Variants in PPM1L observed in about 807,000 individuals in gnomAD.
PPM1L encodes protein phosphatase, Mg2+/Mn2+ dependent 1L, also known as protein phosphatase 1L.
PPM1L carries 13 observed loss-of-function variants against 31.4 expected under a neutral mutation model. The observed-to-expected ratio is 0.41, with a 90% CI of 0.27 to 0.66. PPM1L has a LOEUF of 0.66. PPM1L is among the 30% of genes least tolerant of loss of function. The pLI, the probability that PPM1L is intolerant of heterozygous loss-of-function variation, is 0.29. For missense variants in PPM1L, 326 were observed against 453.7 expected, an observed-to-expected ratio of 0.72 and a Z score of 2.56; for synonymous variants, 184 against 175.4, an observed-to-expected ratio of 1.05 and a Z score of -0.39.
chr3:160,896,541 A>C (rs1431531803), intron 1 of PPM1L, among the ~76,000 whole-genome samples: 1 of 152,210 alleles, frequency 6.6e-6, no homozygotes, highest in African/African-American at 2.4e-5. Flanking sequence ...GTGTTGCCTT[A>C]AAGACTGAAG....
chr3:161,069,049 C>G lies in PPM1L; in HGVS notation c.975C>G (p.His325Gln). The G allele has an allele frequency of 6.2e-7, 1 of 1,614,164 alleles. No homozygotes were observed. Among genetic ancestry groups the G allele is most frequent in the Non-Finnish European group, 8.5e-7 (1 of 1,180,018 alleles). The part of the protein sequence containing the change: ...RFIKERLDEP[H>Q]FGAKSIVLQS... The stretch of plus-strand genomic sequence containing the variant: ...TCAAGGAGCGCTTGGATGAACCTCA[C>G]TTTGGGGCCAAGAGCATAGTTTTAC... Residue 325 changes from histidine (H) to glutamine (Q), a missense_variant, in exon 4 of 4, where the codon CAC (histidine) becomes CAG (glutamine). By Grantham distance (24) the His-to-Gln change is conservative. Transcript: ENST00000498165.
At chr3:161,049,077 TAAAA>T in intron 2 of PPM1L, among the ~76,000 whole-genome samples, 1 of 141,048 alleles carries the variant, frequency 7.1e-6, no homozygotes, top group Non-Finnish European at 1.6e-5. Context: ...CTTAAAGTAT[TAAAA>T]AAAAAAAAAA....
At chr3:160,959,781 C>A (rs141478288) in intron 1 of PPM1L, among the ~76,000 whole-genome samples, 3,776 of 151,958 alleles carry the variant, frequency 0.025, 79 homozygotes, top group Middle Eastern at 0.088. Context: ...TGCAGTGAGC[C>A]GAGATCATGC....
intron 1 of PPM1L, among the ~76,000 whole-genome samples, chr3:160,904,392 A>G (rs1393445127): frequency 6.6e-6 from 1 of 152,198 alleles, no homozygotes; most frequent in Non-Finnish European, 1.5e-5. Flanking sequence ...GCATTGAAAA[A>G]GACTGGAAGA....
At chr3:160,790,226 T>G (rs1325764214) in intron 1 of PPM1L, among the ~76,000 whole-genome samples, 8 of 152,266 alleles carry the variant, frequency 5.3e-5, no homozygotes, top group Admixed American at 5.2e-4. Context: ...TAACTAATTT[T>G]GATGATATTA....
At chr3:161,049,091 AC>A (rs747026815) in intron 2 of PPM1L, among the ~76,000 whole-genome samples, 8 of 149,400 alleles carry the variant, frequency 5.4e-5, no homozygotes, top group East Asian at 4.0e-4. Flanking sequence ...AAAAAAAAAA[AC>A]CACGGTGAGA....
intron 2 of PPM1L, among the ~76,000 whole-genome samples, chr3:161,052,462 A>G (rs1393291219): frequency 6.6e-6 from 1 of 152,204 alleles, no homozygotes; most frequent in African/African-American, 2.4e-5. Context: ...ATAGATTTGT[A>G]AAAAGACCTT....
At chr3:160,945,428 A>G (rs986093771) in intron 1 of PPM1L, among the ~76,000 whole-genome samples, 2 of 152,082 alleles carry the variant, frequency 1.3e-5, no homozygotes, top group African/African-American at 2.4e-5. Context: ...GTCTCATCTC[A>G]TGTGCTAACT....
intron 1 of PPM1L, among the ~76,000 whole-genome samples, chr3:160,861,304 T>C (rs1473249053): frequency 6.6e-6 from 1 of 152,168 alleles, no homozygotes; most frequent in Admixed American, 6.6e-5. Flanking sequence ...TACTGTTGCC[T>C]AGATACAACT....
At chr3:161,016,585 C>T (rs536991745) in intron 2 of PPM1L, among the ~76,000 whole-genome samples, 24 of 152,242 alleles carry the variant, frequency 1.6e-4, no homozygotes, top group South Asian at 1.0e-3. Context: ...GTTCTAAATG[C>T]GGCTTATAAG....
At chr3:160,889,795 G>T (rs925162845) in intron 1 of PPM1L, among the ~76,000 whole-genome samples, 1 of 152,062 alleles carries the variant, frequency 6.6e-6, no homozygotes. Context: ...ATCAAAAAAC[G>T]TATCCACCAC....
chr3:160,908,415 T>C (rs930991422), intron 1 of PPM1L, among the ~76,000 whole-genome samples: 5 of 152,224 alleles, frequency 3.3e-5, no homozygotes, highest in African/African-American at 1.2e-4. Flanking sequence ...TTTTGCTGGA[T>C]AGTTGTTTAT....
chr3:160,999,634 C>T (rs926815490), intron 2 of PPM1L, among the ~76,000 whole-genome samples: 2 of 152,242 alleles, frequency 1.3e-5, no homozygotes, highest in South Asian at 2.1e-4. Flanking sequence ...AATGCTCCTA[C>T]TCTGCCTTCA....
At chr3:161,031,502 C>CTTTTTTTGTTTTTTTTTTTTTTTTTTTT (rs1718564768) in intron 2 of PPM1L, among the ~76,000 whole-genome samples, 1 of 101,686 alleles carries the variant, frequency 9.8e-6, no homozygotes, top group Non-Finnish European at 1.8e-5. Flanking sequence ...GTATTCTGTC[C>CTTTTTTTGTTTTTTTTTTTTTTTTTTTT]TTTTTTTTTT....
chr3:160,790,110 A>T (rs1712057530), intron 1 of PPM1L, among the ~76,000 whole-genome samples: 2 of 152,024 alleles, frequency 1.3e-5, no homozygotes, highest in South Asian at 2.1e-4. Flanking sequence ...TTTTTCCCCA[A>T]ATATTTTTGA....
intron 1 of PPM1L, among the ~76,000 whole-genome samples, chr3:160,880,302 A>G (rs1712669012): frequency 6.6e-6 from 1 of 152,174 alleles, no homozygotes; most frequent in South Asian, 2.1e-4. Flanking sequence ...GAGTTTTCAG[A>G]TTCACAACCA....
intron 3 of PPM1L, among the ~76,000 whole-genome samples, chr3:161,066,069 G>A (rs557354999): frequency 6.6e-6 from 1 of 152,200 alleles, no homozygotes; most frequent in African/African-American, 2.4e-5. Context: ...CATCCTATGT[G>A]GACGTCTTGG....
At chr3:160,998,478 C>T (rs755857127) in intron 2 of PPM1L, among the ~76,000 whole-genome samples, 110 of 152,286 alleles carry the variant, frequency 7.2e-4, no homozygotes, top group Non-Finnish European at 1.2e-3. Flanking sequence ...TCTCTTCCCT[C>T]CCTTTTTTTT....
At chr3:160,921,885 A>C (rs556873613) in intron 1 of PPM1L, among the ~76,000 whole-genome samples, 1 of 152,306 alleles carries the variant, frequency 6.6e-6, no homozygotes, top group East Asian at 1.9e-4. Flanking sequence ...ATTAAGACCT[A>C]GAGTTGCAGA....
Sources: gnomAD v4.1 joint callset for allele counts (sites outside exome capture counted in the v4.1 genomes callset) on GRCh38, gnomAD v4.1.1 for gene constraint, MANE v1.5 for transcripts, NCBI Gene and HGNC (gene_info 2026-07-23, HGNC 2026-07-21) for gene names.